The following SIPA1L1 variants were observed in gnomAD, a reference collection of about 807,000 sequenced individuals.
SIPA1L1 encodes signal induced proliferation associated 1 like 1.
Under a neutral mutation model 162.7 loss-of-function variants are expected in SIPA1L1, and 26 were observed. That is an observed-to-expected ratio of 0.16 (90% CI 0.12 to 0.22). The LOEUF is 0.22. SIPA1L1 is among the 10% of genes least tolerant of loss of function. The probability of loss-of-function intolerance (pLI) is 1.00; values close to 1 mark genes in which losing one functional copy is unlikely to be tolerated. For synonymous variants in SIPA1L1, 829 were observed against 837.4 expected (o/e 0.99, Z 0.17); for missense variants, 1,874 against 2,241.0 (o/e 0.84, Z 3.31).
At chr14:71,510,177 C>CTTTTTTTTTTTTTTTTTTTTTT (rs985233367) in intron 2 of SIPA1L1, among the ~76,000 whole-genome samples, 1 of 77,468 alleles carries the variant, frequency 1.3e-5, no homozygotes, top group Non-Finnish European at 2.2e-5. Context: ...TCCCCCCCAC[C>CTTTTTTTTTTTTTTTTTTTTTT]TTTTTTTTTT....
At chr14:71,653,841 T>G (rs2042837732) in intron 8 of SIPA1L1, among the ~76,000 whole-genome samples, 1 of 152,186 alleles carries the variant, frequency 6.6e-6, no homozygotes, top group African/African-American at 2.4e-5. Context: ...CAGAATTGGC[T>G]TCTTTAGATT....
intron 2 of SIPA1L1, among the ~76,000 whole-genome samples, chr14:71,496,363 T>A (rs1049645316): frequency 6.6e-6 from 1 of 152,152 alleles, no homozygotes; most frequent in Non-Finnish European, 1.5e-5. Flanking sequence ...GCTTGTGATT[T>A]TTTTTTTCTT....
chr14:71,603,949 A>T (rs1353612550), intron 5 of SIPA1L1, among the ~76,000 whole-genome samples: 1 of 144,154 alleles, frequency 6.9e-6, no homozygotes, highest in East Asian at 2.1e-4. Flanking sequence ...ATCTATATAT[A>T]TTTATATATA....
In SIPA1L1 at chr14:71,740,571, C is replaced by T. The variant is rs1333641740; in HGVS notation, c.*1410C>T. On this transcript the variant is annotated 3_prime_UTR_variant, in exon 24 of 24. Transcript: ENST00000381232. ...CTAGCGGCATCTGATTGGAAGTTCC[C>T]TCACCCAAGTAATCTCAATTCCTTC... is the stretch of plus-strand genomic sequence containing the variant. The T allele has an allele frequency of 3.3e-5, 5 of 152,208 alleles. No individual in the cohort carries two copies. Among genetic ancestry groups the T allele is most frequent in the African/African-American group, 1.2e-4 (5 of 41,454 alleles). The allele number at this position is 152,208 out of a possible 1,614,324, so 9.4% of individuals were successfully genotyped here.
intron 3 of SIPA1L1, among the ~76,000 whole-genome samples, chr14:71,522,634 C>T (rs2052469557): frequency 6.6e-6 from 1 of 151,784 alleles, no homozygotes. Context: ...TCAAGTGGCA[C>T]TCCTTTTAGG....
intron 10 of SIPA1L1, among the ~76,000 whole-genome samples, chr14:71,666,473 A>G (rs2044014135): frequency 6.6e-6 from 1 of 152,202 alleles, no homozygotes; most frequent in African/African-American, 2.4e-5. Context: ...ATCCTAAACA[A>G]TTGTAAATTG....
Position 71,738,263 on chromosome 14 carries a change from C to T in SIPA1L1, c.5146C>T (p.Leu1716=), listed in dbSNP as rs757258976. 164 of 1,612,376 alleles carry T rather than the reference C, an allele frequency of 1.0e-4. No individual in the cohort carries two copies. Among genetic ancestry groups the T allele is most frequent in the Admixed American group, 1.3e-4 (8 of 59,886 alleles). ...YSSSKDSSPT[L]ASKVDQLEGM... ...CAGCAGTAAAGACTCCTCTCCCACT[C>T]TGGCTTCTAAAGTGGACCAGCTGGA... Residue 1716 remains leucine, a synonymous_variant, in exon 23 of 24, where the codon CTG becomes TTG. Transcript: ENST00000381232.
chr14:71,553,763 C>CT (rs975979034), intron 4 of SIPA1L1, among the ~76,000 whole-genome samples: 63 of 151,554 alleles, frequency 4.2e-4, no homozygotes, highest in Non-Finnish European at 6.6e-4. Flanking sequence ...ATATACAATT[C>CT]TTTTTTTTTC....
chr14:71,618,677 C>A, intron 5 of SIPA1L1, 80 bp from the exon 6 acceptor site: 1 of 1,303,522 alleles, frequency 7.7e-7, no homozygotes, highest in Non-Finnish European at 1.1e-6. Context: ...TGAGTGACAA[C>A]CTTAAATACT....
intron 2 of SIPA1L1, among the ~76,000 whole-genome samples, chr14:71,458,035 T>TA (rs1450213789): frequency 6.6e-6 from 1 of 152,198 alleles, no homozygotes; most frequent in African/African-American, 2.4e-5. Context: ...CATTTGAAGA[T>TA]ACAAAGTTTT....
intron 4 of SIPA1L1, among the ~76,000 whole-genome samples, chr14:71,542,572 TTCC>T (rs1303643008): frequency 1.5e-5 from 2 of 131,784 alleles, no homozygotes; most frequent in Admixed American, 7.5e-5. Context: ...CCTCCTTCTC[TTCC>T]TCCTCCTTCT....
At chr14:71,372,065 C>A (rs2141026032) in intron 2 of SIPA1L1, among the ~76,000 whole-genome samples, 1 of 152,260 alleles carries the variant, frequency 6.6e-6, no homozygotes, top group Middle Eastern at 3.4e-3. Flanking sequence ...ATATGAGAAA[C>A]CACAGTTCAG....
chr14:71,626,559 C>A (rs1271742229), intron 7 of SIPA1L1, among the ~76,000 whole-genome samples: 1 of 152,140 alleles, frequency 6.6e-6, no homozygotes, highest in African/African-American at 2.4e-5. Context: ...TTTACAAATA[C>A]AGATTTTAAA....
chr14:71,398,272 G>T (rs1181918904), intron 2 of SIPA1L1: 1 of 152,064 alleles, frequency 6.6e-6, no homozygotes, highest in African/African-American at 2.4e-5. Context: ...ATTTTCAAAG[G>T]TTATTATGTT....
chr14:71,699,612 TGAG>T (rs775059621), intron 14 of SIPA1L1, among the ~76,000 whole-genome samples: 1 of 152,084 alleles, frequency 6.6e-6, no homozygotes, highest in African/African-American at 2.4e-5. Flanking sequence ...CCCCGGTAAA[TGAG>T]GAGTTTGGAG....
intron 2 of SIPA1L1, among the ~76,000 whole-genome samples, chr14:71,404,906 C>T (rs532139504): frequency 3.3e-5 from 5 of 152,130 alleles, no homozygotes; most frequent in Non-Finnish European, 2.9e-5. Flanking sequence ...TTTCCCATAC[C>T]GATCTGCAAA....
intron 2 of SIPA1L1, among the ~76,000 whole-genome samples, chr14:71,412,687 G>A (rs920683526): frequency 6.6e-6 from 1 of 152,206 alleles, no homozygotes; most frequent in Non-Finnish European, 1.5e-5. Context: ...ATATCTGTGA[G>A]TGAAACTACT....
At chr14:71,356,274 T>C (rs2037229110) in intron 2 of SIPA1L1, among the ~76,000 whole-genome samples, 2 of 152,114 alleles carry the variant, frequency 1.3e-5, no homozygotes, top group South Asian at 4.2e-4. Context: ...AGTAAGGAAG[T>C]AGTGAAAACA....
At chr14:71,708,891 C>T (rs187147925) in intron 16 of SIPA1L1, among the ~76,000 whole-genome samples, 178 of 152,212 alleles carry the variant, frequency 1.2e-3, no homozygotes, top group African/African-American at 4.0e-3. Flanking sequence ...TTGGAAATGT[C>T]ATTTCCTTTC....
Sources: gnomAD v4.1 joint callset for allele counts (sites outside exome capture counted in the v4.1 genomes callset) on GRCh38, gnomAD v4.1.1 for gene constraint, MANE v1.5 for transcripts, NCBI Gene and HGNC (gene_info 2026-07-23, HGNC 2026-07-21) for gene names.